The following SV2B variants were observed in gnomAD, a reference collection of about 807,000 sequenced individuals.
SV2B encodes the protein solute carrier family 22 member B2.
In SV2B, 41 loss-of-function variants were observed where a neutral mutation model predicts 73.9. That is an observed-to-expected ratio of 0.56 (90% CI 0.43 to 0.72). The LOEUF is 0.72. Ranked by LOEUF, SV2B falls within the 30% of genes least tolerant of loss-of-function variation. SV2B has a pLI of 0.00. For synonymous variants in SV2B, 314 were observed against 314.2 expected, an observed-to-expected ratio of 1.00 and a Z score of 0.01; for missense variants, 764 against 857.8, an observed-to-expected ratio of 0.89 and a Z score of 1.37.
intron 2 of SV2B, among the ~76,000 whole-genome samples, chr15:91,238,126 G>T (rs2046862649): frequency 1.3e-5 from 2 of 152,166 alleles, no homozygotes; most frequent in African/African-American, 4.8e-5. Context: ...GAAAGCAAAA[G>T]AAACTGATAC....
At chr15:91,185,168 G>C (rs1332336100) in intron 1 of SV2B, among the ~76,000 whole-genome samples, 1 of 152,140 alleles carries the variant, frequency 6.6e-6, no homozygotes, top group East Asian at 1.9e-4. Flanking sequence ...ACCTCCCTGG[G>C]CTCAGTGGAG....
chr15:91,188,480 A>AT (rs904284999), intron 1 of SV2B, among the ~76,000 whole-genome samples: 37 of 151,218 alleles, frequency 2.4e-4, no homozygotes, highest in Admixed American at 1.5e-3. Context: ...CGCCTGGCTA[A>AT]TTTTTTTTGT....
At chr15:91,219,680 A>G (rs955441473) in intron 1 of SV2B, among the ~76,000 whole-genome samples, 2 of 152,154 alleles carry the variant, frequency 1.3e-5, no homozygotes, top group African/African-American at 4.8e-5. Flanking sequence ...GATGATTTTT[A>G]GTAAATTCAT....
At position 91,284,357 on chromosome 15, in the gene SV2B, G is replaced by T; in HGVS notation, c.1708+136G>T. 1 of 949,084 alleles carries T rather than the reference G, an allele frequency of 1.1e-6. No homozygotes were observed. The highest frequency in any genetic ancestry group is 1.7e-5 in the South Asian group (1 of 60,196). 58.8% of individuals were successfully genotyped at this position (949,084 alleles called of 1,614,324 possible). A position where few individuals can be genotyped will look rare whatever the true frequency, so the allele number is the denominator to read the frequency against. ...CCCAACAAGTAAGATTGCACCCAGG[G>T]CTATAGAGCCAAGGATGTGTGCCTA... On this transcript the variant is annotated intron_variant, in intron 11 of 12. Transcript: ENST00000394232. This position sits in a 1 kb window ranked among gnomAD's most constrained non-coding sequence, Gnocchi z 4.5.
At chr15:91,237,849 A>C (rs2046850800) in intron 2 of SV2B, among the ~76,000 whole-genome samples, 1 of 152,218 alleles carries the variant, frequency 6.6e-6, no homozygotes, top group Non-Finnish European at 1.5e-5. Flanking sequence ...GAACTGCATT[A>C]AAAAATCTTG....
chr15:91,282,262 A>T (rs2048706998), intron 10 of SV2B, among the ~76,000 whole-genome samples: 1 of 152,228 alleles, frequency 6.6e-6, no homozygotes, highest in Admixed American at 6.5e-5. Context: ...AAACTTGCAA[A>T]ATGCAAGACT....
At chr15:91,120,945 G>A (rs1192661251) in intron 1 of SV2B, among the ~76,000 whole-genome samples, 5 of 152,032 alleles carry the variant, frequency 3.3e-5, no homozygotes, top group Non-Finnish European at 7.3e-5. Flanking sequence ...GATTCAGGTA[G>A]TAGATGGCAG....
At chr15:91,172,250 G>A (rs2044147555) in intron 1 of SV2B, among the ~76,000 whole-genome samples, 1 of 152,148 alleles carries the variant, frequency 6.6e-6, no homozygotes, top group South Asian at 2.1e-4. Flanking sequence ...TTCCCTGCCT[G>A]TGCTATCTCT....
intron 1 of SV2B, among the ~76,000 whole-genome samples, chr15:91,174,890 G>A (rs528591819): frequency 2.0e-5 from 3 of 152,150 alleles, no homozygotes; most frequent in East Asian, 3.9e-4. Flanking sequence ...CTCAGACCCC[G>A]TCGTCTTGGT....
intron 2 of SV2B, among the ~76,000 whole-genome samples, chr15:91,249,068 T>TCACATACACACACACACA (rs1290015975): frequency 8.0e-4 from 113 of 142,112 alleles, no homozygotes; most frequent in African/African-American, 2.9e-3. Context: ...ATCTACGTTT[T>TCACATACACACACACACA]CACACACACA....
rs1376781395 is a variant in SV2B, at chr15:91,252,484, G to A, written c.748G>A (p.Ala250Thr). 47 of 1,612,862 alleles carry A rather than the reference G, an allele frequency of 2.9e-5. No individual in the cohort carries two copies. Among genetic ancestry groups the A allele is most frequent in the Non-Finnish European group, 3.7e-5 (44 of 1,179,392 alleles). The change falls in exon 4 of 13, where the codon GCA (alanine) becomes ACA (threonine). Residue 250 changes from alanine to threonine, a missense_variant. Ala to Thr is a moderately conservative substitution (Grantham distance 58). Coordinates refer to ENST00000394232, the MANE Select transcript of SV2B (RefSeq NM_001323032.3). This position sits in a 1 kb window ranked among gnomAD's most constrained non-coding sequence, Gnocchi z 4.6. ...CTTCTGGATGACTGGGGGCCTGTACGCATCTGCCATGGCCTGGAGCATCAT... is the reference window on the plus strand; with the variant it reads ...CTTCTGGATGACTGGGGGCCTGTACACATCTGCCATGGCCTGGAGCATCAT... ...GIFWMTGGLY[A>T]SAMAWSIIPH...
Position 91,105,423 on chromosome 15 carries a change from A to G in SV2B, c.-392+5060A>G, listed in dbSNP as rs947245691. On this transcript the variant is annotated intron_variant, in intron 1 of 12. Coordinates refer to ENST00000394232, the MANE Select transcript of SV2B (RefSeq NM_001323032.3). The surrounding 1 kb of genome is among the most constrained non-coding windows in gnomAD (Gnocchi z 5.5). ...ACAGGTGCAAAGGCCCCGAGGCAAC[A>G]GATAACTGGCATGTTCCAGGAACAG... 5.3e-5 allele frequency among the ~76,000 whole-genome samples: 8 copies of G among 152,114 alleles called. No individual in the cohort carries two copies. The highest frequency in any genetic ancestry group is 1.9e-4 in the African/African-American group (8 of 41,452).
Position 91,194,289 on chromosome 15 carries a change from T to C in SV2B, c.-391-31584T>C, listed in dbSNP as rs564060368. ...TGTAGCTTCTCCCTCGGCTCTGCCCTGTAAAGGTGTGACTTTGGGCCAGCC... is the reference window on the plus strand; with the variant it reads ...TGTAGCTTCTCCCTCGGCTCTGCCCCGTAAAGGTGTGACTTTGGGCCAGCC... On this transcript the variant is annotated intron_variant, in intron 1 of 12. Coordinates refer to ENST00000394232, the MANE Select transcript of SV2B (RefSeq NM_001323032.3). Among the ~76,000 whole-genome samples the C allele has an allele frequency of 6.8e-4, 103 of 152,272 alleles. 1 individual carries two copies. Among genetic ancestry groups the C allele is most frequent in the Middle Eastern group, 3.4e-3 (1 of 294 alleles).
chr15:91,145,541 T>C (rs968425027), intron 1 of SV2B, among the ~76,000 whole-genome samples: 1 of 152,222 alleles, frequency 6.6e-6, no homozygotes, highest in African/African-American at 2.4e-5. Context: ...TATTCTTGTT[T>C]TTAGGTCTTT....
At chr15:91,212,657 A>G (rs1291430785) in intron 1 of SV2B, among the ~76,000 whole-genome samples, 3 of 152,070 alleles carry the variant, frequency 2.0e-5, no homozygotes, top group Non-Finnish European at 2.9e-5. Context: ...GTTCTGGTAG[A>G]GAATAAAGGA....
rs971705523 is a variant in SV2B at position 91,220,394 on chromosome 15, G to A, written c.-391-5479G>A. Among the ~76,000 whole-genome samples the A allele has an allele frequency of 2.0e-5, 3 of 152,214 alleles. No homozygotes were observed. Among genetic ancestry groups the A allele is most frequent in the Non-Finnish European group, 4.4e-5 (3 of 68,036 alleles). ...ATAGCAATGTGCATTGTGCATTTCTGAAAGAGAATAGTGAATAGAAGATGC... is the reference window on the plus strand; with the variant it reads ...ATAGCAATGTGCATTGTGCATTTCTAAAAGAGAATAGTGAATAGAAGATGC... On this transcript the variant is annotated intron_variant, in intron 1 of 12. Coordinates refer to ENST00000394232, the MANE Select transcript of SV2B (RefSeq NM_001323032.3). This position sits in a 1 kb window ranked among gnomAD's most constrained non-coding sequence, Gnocchi z 4.1.
chr15:91,222,525 G>C (rs1281304383), intron 1 of SV2B, among the ~76,000 whole-genome samples: 1 of 152,152 alleles, frequency 6.6e-6, no homozygotes, highest in Non-Finnish European at 1.5e-5. Context: ...TCAGCATCAA[G>C]ATCCCAGGAC....
At chr15:91,217,818 C>T (rs774263778) in intron 1 of SV2B, among the ~76,000 whole-genome samples, 1 of 152,194 alleles carries the variant, frequency 6.6e-6, no homozygotes, top group African/African-American at 2.4e-5. Context: ...AGCTGAGAAC[C>T]CCAGAAGGTG....
intron 2 of SV2B, among the ~76,000 whole-genome samples, chr15:91,230,981 T>C (rs2046552252): frequency 6.6e-6 from 1 of 152,168 alleles, no homozygotes; most frequent in African/African-American, 2.4e-5. Context: ...TTTTTGCAAT[T>C]GCTCTATTAA....
Sources: gnomAD v4.1 joint callset for allele counts (sites outside exome capture counted in the v4.1 genomes callset) on GRCh38, gnomAD v4.1.1 for gene constraint, Gnocchi (gnomAD v3.1) non-coding constraint, MANE v1.5 for transcripts, NCBI Gene and HGNC (gene_info 2026-07-23, HGNC 2026-07-21) for gene names.